The following SNX29 variants were observed in gnomAD, a reference collection of about 807,000 sequenced individuals.
SNX29 encodes sorting nexin-29.
A neutral mutation model predicts 102.1 loss-of-function variants in SNX29; 78 were observed. The observed-to-expected ratio is 0.76, with a 90% confidence interval of 0.64 to 0.92. The LOEUF is 0.92. Ranked by LOEUF, SNX29 falls within the 40% of genes least tolerant of loss-of-function variation. SNX29 has a pLI of 0.00. For synonymous variants in SNX29, 580 were observed against 414.5 expected, an observed-to-expected ratio of 1.40 and a Z score of -4.85; for missense variants, 1,280 against 1,061.7, an observed-to-expected ratio of 1.21 and a Z score of -2.86.
In SNX29 at chr16:12,542,789, T is replaced by TA. The variant is rs201486594; in HGVS notation, c.2318+17951dup. Reference sequence around the variant, plus strand: ...TTTTTTTTTTAAACAAAGTATTAGTTAAATCAGCAAGTAAGTGAAGTTAAA... The same window carrying TA: ...TTTTTTTTTTAAACAAAGTATTAGTTAAAATCAGCAAGTAAGTGAAGTTAAA... On this transcript the variant is annotated intron_variant, in intron 20 of 20. Transcript: ENST00000566228. Among the ~76,000 whole-genome samples the TA allele has an allele frequency of 5.0e-3, 767 of 151,920 alleles. 4 individuals are homozygous for TA. The highest frequency in any genetic ancestry group is 0.017 in the African/African-American group (703 of 41,380).
chr16:12,215,560 G>T (rs534321499), intron 14 of SNX29, among the ~76,000 whole-genome samples: 4 of 152,118 alleles, frequency 2.6e-5, no homozygotes, highest in East Asian at 1.9e-4. Context: ...GGCTCCAGAG[G>T]GGGGTGCCTG....
chr16:12,568,731 CT>C lies in SNX29; in HGVS notation c.*103del. On this transcript the variant is annotated 3_prime_UTR_variant, in exon 21 of 21. Coordinates refer to ENST00000566228, the MANE Select transcript of SNX29 (RefSeq NM_032167.5). ...ACCTCAGCGTGACAACCACGTCCACCTGGTGATCCTGAGAGCACACGATTCC... is the reference window on the plus strand; with the variant it reads ...ACCTCAGCGTGACAACCACGTCCACCGGTGATCCTGAGAGCACACGATTCC... 2 of 1,477,952 alleles carry C rather than the reference CT, an allele frequency of 1.4e-6. No individual in the cohort carries two copies. The highest frequency in any genetic ancestry group is 1.8e-6 in the Non-Finnish European group (2 of 1,107,946). The allele number at this position is 1,477,952 out of a possible 1,614,324, so 91.6% of individuals were successfully genotyped here.
chr16:12,535,985 T>G (rs2077066423), intron 20 of SNX29, among the ~76,000 whole-genome samples: 1 of 151,894 alleles, frequency 6.6e-6, no homozygotes. Context: ...AGAAAAGGGG[T>G]CTTTGATACC....
intron 18 of SNX29, among the ~76,000 whole-genome samples, chr16:12,462,382 G>A (rs528917564): frequency 7.2e-5 from 11 of 152,248 alleles, no homozygotes; most frequent in African/African-American, 2.6e-4. Flanking sequence ...AGGATTGGAG[G>A]TGTGTTGTCT....
intron 13 of SNX29, among the ~76,000 whole-genome samples, chr16:12,187,092 C>T (rs1297398307): frequency 1.3e-5 from 2 of 152,262 alleles, no homozygotes; most frequent in African/African-American, 4.8e-5. Flanking sequence ...GTTGGAAGAT[C>T]TGGCCACACA....
At chr16:12,512,369 A>AATATATATATAT (rs58157322) in intron 19 of SNX29, among the ~76,000 whole-genome samples, 70 of 43,894 alleles carry the variant, frequency 1.6e-3, no homozygotes, top group Non-Finnish European at 2.3e-3. Context: ...GCCCAGGGAA[A>AATATATATATAT]ATATATATAT....
At chr16:12,343,473 T>C (rs1475093741) in intron 15 of SNX29, among the ~76,000 whole-genome samples, 1 of 152,204 alleles carries the variant, frequency 6.6e-6, no homozygotes, top group Non-Finnish European at 1.5e-5. Context: ...GGAGCCCCAC[T>C]TTATAGCCGA....
chr16:12,182,303 C>T (rs375207874), intron 13 of SNX29, among the ~76,000 whole-genome samples: 14 of 151,656 alleles, frequency 9.2e-5, no homozygotes, highest in African/African-American at 3.4e-4. Flanking sequence ...TAATACTAAT[C>T]CCCCTTTGAT....
intron 16 of SNX29, among the ~76,000 whole-genome samples, chr16:12,369,901 C>T (rs951062909): frequency 4.6e-5 from 7 of 152,114 alleles, no homozygotes; most frequent in Non-Finnish European, 1.0e-4. Context: ...ATTTTTTGAA[C>T]GATTTCTTCT....
At chr16:12,502,110 A>G (rs3865113) in intron 19 of SNX29, among the ~76,000 whole-genome samples, 21,177 of 152,222 alleles carry the variant, frequency 0.14, 1,561 homozygotes, top group East Asian at 0.25. Flanking sequence ...CGAGCTGGGC[A>G]GGCAACATGC....
At chr16:12,238,702 G>A (rs1027365575) in intron 14 of SNX29, among the ~76,000 whole-genome samples, 1 of 152,206 alleles carries the variant, frequency 6.6e-6, no homozygotes, top group East Asian at 1.9e-4. Flanking sequence ...TAGTGTTACT[G>A]GTTCTTTGGG....
rs779773946 is a variant in SNX29, at chr16:12,078,826, T to C, written c.1320-7T>C. ...AGTGTAACTTCCTCCTGCCTGCTTT[T>C]TCCTAGTGTGGAAGCCAGCTCTCCA... On this transcript the variant is annotated splice_region_variant and splice_polypyrimidine_tract_variant and intron_variant, in intron 10 of 20. Transcript: ENST00000566228. 3.8e-6 allele frequency: 6 copies of C among 1,595,900 alleles called. No individual in the cohort carries two copies. Among genetic ancestry groups the C allele is most frequent in the South Asian group, 1.1e-5 (1 of 87,620 alleles).
At chr16:12,352,749 C>T (rs1236946385) in intron 15 of SNX29, among the ~76,000 whole-genome samples, 1 of 152,134 alleles carries the variant, frequency 6.6e-6, no homozygotes, top group Non-Finnish European at 1.5e-5. Flanking sequence ...GTCCTCTGTC[C>T]CTTGCTGGGC....
At position 12,129,618 on chromosome 16, in the gene SNX29, C is replaced by G. The variant is rs1339009910; in HGVS notation, c.1467-12C>G. On this transcript the variant is annotated splice_polypyrimidine_tract_variant and intron_variant, in intron 12 of 20. Transcript: ENST00000566228. ...TGACAGCTTCTGAACAGATGGGTCC[C>G]TCTCTTCCCAGATCACTGCGAAACC... The G allele has an allele frequency of 4.4e-6, 7 of 1,604,618 alleles. No homozygotes were observed. The highest frequency in any genetic ancestry group is 6.0e-6 in the Non-Finnish European group (7 of 1,175,420).
chr16:12,537,774 A>AAAAAAAGTAAT (rs2077141410), intron 20 of SNX29, among the ~76,000 whole-genome samples: 1 of 151,956 alleles, frequency 6.6e-6, no homozygotes, highest in South Asian at 2.1e-4. Context: ...TGTTTAAACA[A>AAAAAAAGTAAT]AAAAAAGTAA....
At chr16:12,537,258 C>G (rs111477137) in intron 20 of SNX29, among the ~76,000 whole-genome samples, 1 of 152,314 alleles carries the variant, frequency 6.6e-6, no homozygotes, top group Admixed American at 6.5e-5. Context: ...AATGTACCTT[C>G]TTTTCACCTC....
At chr16:12,489,380 C>T (rs147886138) in intron 19 of SNX29, among the ~76,000 whole-genome samples, 4 of 152,256 alleles carry the variant, frequency 2.6e-5, no homozygotes, top group East Asian at 3.9e-4. Context: ...TGGAGGAATC[C>T]TCTCCCTTTC....
chr16:12,410,847 G>C (rs1025726534), intron 18 of SNX29, among the ~76,000 whole-genome samples: 1 of 152,218 alleles, frequency 6.6e-6, no homozygotes, highest in East Asian at 1.9e-4. Context: ...GGCTGCATGA[G>C]CTTCAGGTGG....
intron 14 of SNX29, among the ~76,000 whole-genome samples, chr16:12,215,046 G>C (rs969846800): frequency 2.0e-5 from 3 of 152,176 alleles, no homozygotes; most frequent in Non-Finnish European, 4.4e-5. Context: ...ATAAATGAGT[G>C]AGTGAATGCA....
Sources: gnomAD v4.1 joint callset for allele counts (sites outside exome capture counted in the v4.1 genomes callset) on GRCh38, gnomAD v4.1.1 for gene constraint, MANE v1.5 for transcripts, NCBI Gene and HGNC (gene_info 2026-07-23, HGNC 2026-07-21) for gene names.